TP73: variants seen among roughly 807,000 people sequenced by gnomAD.
The protein encoded by TP73 is p53-like transcription factor.
In TP73, 25 loss-of-function variants were observed where a neutral mutation model predicts 62.5. That is an observed-to-expected ratio of 0.40 (90% CI 0.29 to 0.56). The LOEUF is 0.56. Among genes scored for constraint, TP73 ranks in the 20% least tolerant of loss-of-function variants. TP73 has a pLI of 0.46. For synonymous variants in TP73, 423 were observed against 377.5 expected, an observed-to-expected ratio of 1.12 and a Z score of -1.40; for missense variants, 754 against 913.3, an observed-to-expected ratio of 0.83 and a Z score of 2.25.
chr1:3,715,711 C>T (rs562770124), intron 4 of TP73, among the ~76,000 whole-genome samples: 2 of 152,250 alleles, frequency 1.3e-5, no homozygotes, highest in South Asian at 2.1e-4. Flanking sequence ...CTTGGGCAAA[C>T]GCTGCCTCGC....
intron 1 of TP73, among the ~76,000 whole-genome samples, chr1:3,658,197 G>A (rs1371656416): frequency 1.3e-5 from 2 of 152,226 alleles, no homozygotes; most frequent in Non-Finnish European, 2.9e-5. Context: ...ACACATTAGG[G>A]ATGGACAGTG....
chr1:3,691,693 C>G (rs547061485), intron 3 of TP73, among the ~76,000 whole-genome samples: 1 of 152,160 alleles, frequency 6.6e-6, no homozygotes, highest in Non-Finnish European at 1.5e-5. Context: ...GTGGAAGGCT[C>G]GGCACAGCTG....
chr1:3,653,740 C>T (rs1404183917), intron 1 of TP73, among the ~76,000 whole-genome samples: 1 of 152,230 alleles, frequency 6.6e-6, no homozygotes, highest in Non-Finnish European at 1.5e-5. Context: ...TGGCCTCTGG[C>T]ACTTACTGAG....
chr1:3,711,582 C>T (rs534601613), intron 4 of TP73, among the ~76,000 whole-genome samples: 12 of 152,304 alleles, frequency 7.9e-5, no homozygotes, highest in East Asian at 1.9e-4. Flanking sequence ...AGTTTGGGGA[C>T]GGGGCTCTGA....
At chr1:3,669,537 G>A (rs1202205815) in intron 1 of TP73, among the ~76,000 whole-genome samples, 1 of 152,322 alleles carries the variant, frequency 6.6e-6, no homozygotes, top group Non-Finnish European at 1.5e-5. Flanking sequence ...AGCCTGGCAC[G>A]TCCGGGGGCT....
intron 3 of TP73, among the ~76,000 whole-genome samples, chr1:3,695,327 C>T (rs1293773693): frequency 2.0e-5 from 3 of 152,200 alleles, no homozygotes; most frequent in Admixed American, 6.5e-5. Flanking sequence ...CTCCTGGGGC[C>T]GCTGTTCTTC....
At chr1:3,697,676 C>T (rs1638791889) in intron 3 of TP73, among the ~76,000 whole-genome samples, 1 of 152,200 alleles carries the variant, frequency 6.6e-6, no homozygotes, top group South Asian at 2.1e-4. Flanking sequence ...GATGTCAAGC[C>T]TAGGAAATGG....
At position 3,719,224 on chromosome 1, in the gene TP73, C is replaced by T. The variant is rs143485138; in HGVS notation, c.430-2797C>T. ...TTTGTTGAGTACCACCTGTGTACCT[C>T]CATCTGCTACACGTTACTGAGGAGA... On this transcript the variant is annotated intron_variant, in intron 4 of 13. Transcript: ENST00000378295. 3.0e-4 allele frequency among the ~76,000 whole-genome samples: 46 copies of T among 152,258 alleles called. No homozygotes were observed. In the East Asian group the frequency reaches 8.9e-3, roughly 30 times the overall value.
intron 4 of TP73, among the ~76,000 whole-genome samples, chr1:3,717,232 C>T (rs1640677227): frequency 6.6e-6 from 1 of 152,236 alleles, no homozygotes; most frequent in Non-Finnish European, 1.5e-5. Flanking sequence ...TAGCAGCCCC[C>T]CGCTGCACCC....
chr1:3,687,575 AGACCTGCG>A (rs1195199423), intron 3 of TP73, among the ~76,000 whole-genome samples: 3 of 152,182 alleles, frequency 2.0e-5, no homozygotes, highest in Admixed American at 6.5e-5. Flanking sequence ...CAGGGCAATG[AGACCTGCG>A]GCCCTTGCTG....
intron 3 of TP73, among the ~76,000 whole-genome samples, chr1:3,702,691 C>T (rs1639274243): frequency 6.6e-6 from 1 of 152,242 alleles, no homozygotes; most frequent in Admixed American, 6.5e-5. Flanking sequence ...GGAAGGCCAC[C>T]CGCTGGCTCT....
chr1:3,708,027 C>T, intron 4 of TP73: 3 of 638,682 alleles, frequency 4.7e-6, no homozygotes. Context: ...CAAAGGGCCA[C>T]AGAGGGGACG....
At chr1:3,725,830 ATATGTGGGTGGGTGAG>A in intron 6 of TP73, among the ~76,000 whole-genome samples, 1 of 8,814 alleles carries the variant, frequency 1.1e-4, no homozygotes, top group Non-Finnish European at 2.1e-4. Flanking sequence ...TGGGGGGTGG[ATATGTGGGTGGGTGAG>A]TGGATGGATG....
chr1:3,730,202 G>A (rs1238838853), intron 11 of TP73, 54 bp downstream of exon 11: 2 of 1,462,724 alleles, frequency 1.4e-6, no homozygotes, highest in Non-Finnish European at 9.1e-7. Context: ...GCCCACTGGG[G>A]GCGCCTAGCT....
At position 3,700,695 on chromosome 1, in the gene TP73, C is replaced by T. The variant is rs1207137594; in HGVS notation, c.187-6854C>T. Among the ~76,000 whole-genome samples, 4 of 151,980 alleles carry T rather than the reference C, an allele frequency of 2.6e-5. 1 individual carries two copies. The highest frequency in any genetic ancestry group is 5.9e-5 in the Non-Finnish European group (4 of 68,000). ...ACTGGGGAGGCTGAGGCAAGATAAT[C>T]GCTTGAACCCAGGAGGTGGAAGTTG... is the stretch of plus-strand genomic sequence containing the variant. On this transcript the variant is annotated intron_variant, in intron 3 of 13. Transcript: ENST00000378295.
In TP73 at chr1:3,680,167, G is replaced by A. The variant is rs150738149; in HGVS notation, c.-33-2166G>A. ...GGAGGGGACAGCTCACAGGCTGACA[G>A]ATGAGGTCATGTGTCCTGAGCATGA... On this transcript the variant is annotated intron_variant, in intron 1 of 13. Transcript: ENST00000378295. Among the ~76,000 whole-genome samples, 3 of 152,348 alleles carry A rather than the reference G, an allele frequency of 2.0e-5. No homozygotes were observed. In the East Asian group the frequency reaches 5.8e-4, roughly 29 times the overall value.
chr1:3,694,734 CT>C (rs1638451121), intron 3 of TP73, among the ~76,000 whole-genome samples: 1 of 89,780 alleles, frequency 1.1e-5, no homozygotes. Context: ...GCCTCAGCCC[CT>C]CCTCCCGCAA....
At chr1:3,706,262 C>T (rs1391220257) in intron 3 of TP73, among the ~76,000 whole-genome samples, 2 of 152,168 alleles carry the variant, frequency 1.3e-5, no homozygotes, top group African/African-American at 4.8e-5. Context: ...TCAATCGTTT[C>T]CCCAGCCCCA....
rs1227889756 is a variant in TP73, at chr1:3,677,995, G to A, written c.-33-4338G>A. Among the ~76,000 whole-genome samples the A allele has an allele frequency of 4.6e-5, 7 of 152,096 alleles. No homozygotes were observed. The East Asian group carries it at 1.2e-3, about 25-fold the overall frequency. ...GTTGGGATTACAGTTATGAACCACT[G>A]CACCCAGCCCATCCCTCCTAGACTA... On this transcript the variant is annotated intron_variant, in intron 1 of 13. Transcript: ENST00000378295.
Sources: gnomAD v4.1 joint callset for allele counts (sites outside exome capture counted in the v4.1 genomes callset) on GRCh38, gnomAD v4.1.1 for gene constraint, MANE v1.5 for transcripts, NCBI Gene and HGNC (gene_info 2026-07-23, HGNC 2026-07-21) for gene names.